Variants in ADAMTS14 observed in about 807,000 individuals in gnomAD.
ADAMTS14 encodes ADAM metallopeptidase with thrombospondin type 1 motif 14.
Under a neutral mutation model 128.6 loss-of-function variants are expected in ADAMTS14, and 100 were observed. The ratio of observed to expected loss-of-function variants is 0.78; its 90% CI spans 0.66 to 0.92. ADAMTS14 has a LOEUF of 0.92. ADAMTS14 is among the 40% of genes least tolerant of loss of function. The pLI is 0.00. For missense variants in ADAMTS14, 1,562 were observed against 1,658.6 expected (o/e 0.94, Z 1.01); for synonymous variants, 665 against 653.8 (o/e 1.02, Z -0.26).
At chr10:70,701,741 G>A (rs1233012827) in intron 2 of ADAMTS14, among the ~76,000 whole-genome samples, 1 of 152,174 alleles carries the variant, frequency 6.6e-6, no homozygotes, top group East Asian at 1.9e-4. Flanking sequence ...TCGTGAATGA[G>A]CATTAGCTGC....
intron 4 of ADAMTS14, 131 bp from the exon 5 acceptor site, chr10:70,729,163 A>G: frequency 1.3e-6 from 1 of 746,174 alleles, no homozygotes; most frequent in Non-Finnish European, 2.3e-6. Context: ...TTATCTGTAA[A>G]GTAGGATAAG....
At chr10:70,719,212 C>T (rs1841166841) in intron 4 of ADAMTS14, among the ~76,000 whole-genome samples, 1 of 152,076 alleles carries the variant, frequency 6.6e-6, no homozygotes. Context: ...CCAATTGCCA[C>T]ACACAGGAAT....
Position 70,740,787 on chromosome 10 carries a change from G to A in ADAMTS14, c.1749-200G>A, listed in dbSNP as rs776041645. On this transcript the variant is annotated intron_variant, in intron 11 of 21. Transcript: ENST00000373207. ...GTATGTCTGAAGGGTAAAGCAGTCA[G>A]GGAGGAAGAAGGATCTGGATAGCTC... Among the ~76,000 whole-genome samples the A allele has an allele frequency of 1.4e-4, 21 of 152,346 alleles. 1 individual carries two copies. The highest frequency in any genetic ancestry group is 2.1e-4 in the Non-Finnish European group (14 of 68,038).
At chr10:70,672,989 A>G in intron 1 of ADAMTS14, 105 bp downstream of exon 1, 1 of 1,327,534 alleles carries the variant, frequency 7.5e-7, no homozygotes, top group Non-Finnish European at 9.6e-7. Flanking sequence ...CGCGGGTGGG[A>G]GGCAGTATGC....
rs369203927 is a variant in ADAMTS14 at position 70,760,409 on chromosome 10, C to T, written c.3228C>T (p.Leu1076=). Residue 1076 remains leucine (L), a synonymous_variant, in exon 22 of 22, where the codon CTC becomes CTT. Transcript: ENST00000373207. ...DRSVFCQMEV[L]DRYCSIPGYH... is the part of the protein sequence containing the mutation. ...CTGTCTTCTGCCAGATGGAAGTGCT[C>T]GATCGCTACTGCTCCATTCCCGGCT... 1.6e-5 allele frequency: 25 copies of T among 1,607,514 alleles called. No individual in the cohort carries two copies. Among genetic ancestry groups the T allele is most frequent in the Non-Finnish European group, 1.9e-5 (22 of 1,177,284 alleles).
intron 7 of ADAMTS14, among the ~76,000 whole-genome samples, chr10:70,732,856 C>A (rs1841691846): frequency 6.6e-6 from 1 of 152,198 alleles, no homozygotes; most frequent in South Asian, 2.1e-4. Context: ...CAGAGGCTGG[C>A]TTGCCTGATC....
intron 19 of ADAMTS14, among the ~76,000 whole-genome samples, chr10:70,755,429 G>A (rs995072908): frequency 2.4e-4 from 37 of 152,204 alleles, no homozygotes; most frequent in African/African-American, 8.9e-4. Context: ...TGAATGAGGG[G>A]TTAGTGTTTA....
In ADAMTS14 at chr10:70,689,799, G is replaced by A. The variant is rs1216754163; in HGVS notation, c.523-12513G>A. ...GCCAGCCAGGCCCTGGGCCGCCATC[G>A]CTCCTCCTCACTGCCCTCCCTGAAG... On this transcript the variant is annotated intron_variant, in intron 2 of 21. Transcript: ENST00000373207. Among the ~76,000 whole-genome samples the A allele has an allele frequency of 2.1e-5, 3 of 145,096 alleles. 1 individual carries two copies. Among genetic ancestry groups the A allele is most frequent in the African/African-American group, 4.9e-5 (2 of 40,968 alleles).
intron 2 of ADAMTS14, among the ~76,000 whole-genome samples, chr10:70,692,299 C>T (rs569853170): frequency 1.4e-4 from 22 of 152,324 alleles, no homozygotes; most frequent in African/African-American, 5.1e-4. Context: ...AGACCACCAC[C>T]TGCTGTGAAC....
At chr10:70,743,983 G>A in intron 13 of ADAMTS14, 83 bp from the exon 14 acceptor site, 2 of 1,503,756 alleles carry the variant, frequency 1.3e-6, no homozygotes, top group Non-Finnish European at 1.8e-6. Context: ...CTCCTGACCA[G>A]GGCCTGGGGA....
At chr10:70,712,175 G>T (rs771677302) in intron 4 of ADAMTS14, among the ~76,000 whole-genome samples, 1 of 152,034 alleles carries the variant, frequency 6.6e-6, no homozygotes, top group Non-Finnish European at 1.5e-5. Context: ...GCTGGGGACC[G>T]ATCCCATTAG....
rs12413137 is a variant in ADAMTS14 at position 70,762,037 on chromosome 10, C to T, written c.*1184C>T. 3,594 of 152,884 alleles carry T rather than the reference C, an allele frequency of 0.024. 185 individuals are homozygous for T. The highest frequency in any genetic ancestry group is 0.12 in the Admixed American group (1,782 of 15,310). 9.5% of individuals were successfully genotyped at this position (152,884 alleles called of 1,614,324 possible). ...AAGGGCCTGAGCTGTGCTCAGCTGC[C>T]GGCCATGCTACCTCCAAGGGACAGG... On this transcript the variant is annotated 3_prime_UTR_variant, in exon 22 of 22. Coordinates refer to ENST00000373207, the MANE Select transcript of ADAMTS14 (RefSeq NM_080722.4).
chr10:70,684,216 A>T (rs373066304), intron 2 of ADAMTS14, among the ~76,000 whole-genome samples: 44 of 152,208 alleles, frequency 2.9e-4, no homozygotes, highest in African/African-American at 1.0e-3. Flanking sequence ...TAACAGTGCC[A>T]AGAAGATAGT....
At chr10:70,698,170 G>A (rs1263633743) in intron 2 of ADAMTS14, among the ~76,000 whole-genome samples, 1 of 152,166 alleles carries the variant, frequency 6.6e-6, no homozygotes, top group African/African-American at 2.4e-5. Flanking sequence ...AAAAGAATAA[G>A]ATATAGTTGG....
rs1393927732 is a variant in ADAMTS14 at position 70,688,241 on chromosome 10, CA to C, written c.522+13247del. On this transcript the variant is annotated intron_variant, in intron 2 of 21. Coordinates refer to ENST00000373207, the MANE Select transcript of ADAMTS14 (RefSeq NM_080722.4). Reference sequence around the variant, plus strand: ...TCACATCCCAGATGGGGCGGCGGGGCAGAGGCGCTCCCCACATCTCAGATGA... The same window carrying C: ...TCACATCCCAGATGGGGCGGCGGGGCGAGGCGCTCCCCACATCTCAGATGA... Among the ~76,000 whole-genome samples the C allele has an allele frequency of 5.8e-5, 3 of 51,822 alleles. No individual in the cohort carries two copies. The Admixed American group carries it at 6.5e-4, about 11-fold the overall frequency. The allele number at this position is 51,822 out of a possible 152,430, so 34.0% of individuals were successfully genotyped here.
intron 9 of ADAMTS14, among the ~76,000 whole-genome samples, chr10:70,736,447 G>C (rs367769581): frequency 6.6e-6 from 1 of 152,276 alleles, no homozygotes; most frequent in Non-Finnish European, 1.5e-5. Context: ...AGAACGACAA[G>C]AGCATGGGCC....
intron 11 of ADAMTS14, among the ~76,000 whole-genome samples, 199 bp downstream of exon 11, chr10:70,739,189 C>T (rs1465632575): frequency 1.3e-5 from 2 of 152,104 alleles, no homozygotes; most frequent in Admixed American, 6.5e-5. Flanking sequence ...CTCAGGTCTG[C>T]CTTCTGTGCG....
chr10:70,718,694 T>C (rs1841146719), intron 4 of ADAMTS14, among the ~76,000 whole-genome samples: 1 of 147,252 alleles, frequency 6.8e-6, no homozygotes, highest in Admixed American at 6.7e-5. Context: ...CCTTTTTTTT[T>C]TTTTAAAGAC....
rs746940189 is a variant in ADAMTS14 at position 70,709,495 on chromosome 10, G to GTTTTTT, written c.870+735_870+740dup. 7.9e-3 allele frequency among the ~76,000 whole-genome samples: 800 copies of GTTTTTT among 101,796 alleles called. 33 individuals are homozygous for GTTTTTT. Among genetic ancestry groups the GTTTTTT allele is most frequent in the Non-Finnish European group, 9.8e-3 (555 of 56,488 alleles). The allele number at this position is 101,796 out of a possible 152,430, so 66.8% of individuals were successfully genotyped here. A position where few individuals can be genotyped will look rare whatever the true frequency, so the allele number is the denominator to read the frequency against. On this transcript the variant is annotated intron_variant, in intron 4 of 21. Coordinates refer to ENST00000373207, the MANE Select transcript of ADAMTS14 (RefSeq NM_080722.4). Reference sequence around the variant, plus strand: ...CCAGATATTTAAGTGAACATTTCCAGTTTTTTTTTTTTTTTTTTTTTTTGA... The same window carrying GTTTTTT: ...CCAGATATTTAAGTGAACATTTCCAGTTTTTTTTTTTTTTTTTTTTTTTTTTTTTGA...
Sources: gnomAD v4.1 joint callset for allele counts (sites outside exome capture counted in the v4.1 genomes callset) on GRCh38, gnomAD v4.1.1 for gene constraint, MANE v1.5 for transcripts, NCBI Gene and HGNC (gene_info 2026-07-23, HGNC 2026-07-21) for gene names.